The following KCNQ1 variants were observed in gnomAD, a reference collection of about 807,000 sequenced individuals.
KCNQ1 encodes the protein potassium voltage-gated channel subfamily Q member 1.
In KCNQ1, 49 loss-of-function variants were observed where a neutral mutation model predicts 72.4. The observed-to-expected ratio is 0.68, with a 90% CI of 0.54 to 0.86. The LOEUF (loss-of-function observed/expected upper bound fraction) is 0.86. KCNQ1 is among the 40% of genes least tolerant of loss of function. The probability of loss-of-function intolerance (pLI) is 0.00; values close to 1 mark genes in which losing one functional copy is unlikely to be tolerated. For missense variants in KCNQ1, 790 were observed against 945.1 expected, an observed-to-expected ratio of 0.84 and a Z score of 2.15; for synonymous variants, 450 against 412.6, an observed-to-expected ratio of 1.09 and a Z score of -1.10.
Position 2,745,563 on chromosome 11 carries a change from C to G in KCNQ1, c.1515-23281C>G, listed in dbSNP as rs1355350042. ...GTGGATCGGTCCTATCAGGAGGAGTCAGCGTGACCACAGGCCCCCATTCCC... is the reference window on the plus strand; with the variant it reads ...GTGGATCGGTCCTATCAGGAGGAGTGAGCGTGACCACAGGCCCCCATTCCC... On this transcript the variant is annotated intron_variant, in intron 11 of 15. Transcript: ENST00000155840. The surrounding 1 kb of genome is among the most constrained non-coding windows in gnomAD (Gnocchi z 6.2). 6.6e-6 allele frequency among the ~76,000 whole-genome samples: 1 copy of G among 152,178 alleles called. No individual in the cohort carries two copies. The highest frequency in any genetic ancestry group is 1.9e-4 in the East Asian group (1 of 5,190).
At chr11:2,520,988 C>T (rs1010789751) in intron 1 of KCNQ1, among the ~76,000 whole-genome samples, 2 of 151,856 alleles carry the variant, frequency 1.3e-5, no homozygotes, top group Non-Finnish European at 1.5e-5. Flanking sequence ...TCACCAGCCA[C>T]GGGGAACATT....
At chr11:2,837,896 G>C (rs1365086509) in intron 15 of KCNQ1, among the ~76,000 whole-genome samples, 1 of 152,222 alleles carries the variant, frequency 6.6e-6, no homozygotes, top group Non-Finnish European at 1.5e-5. Context: ...GAACAGCAGG[G>C]ATGCCTCAAA....
At chr11:2,455,563 A>T (rs890429026) in intron 1 of KCNQ1, among the ~76,000 whole-genome samples, 2 of 152,272 alleles carry the variant, frequency 1.3e-5, no homozygotes. Flanking sequence ...GAAAGAAATC[A>T]TAGATGACAG....
At chr11:2,525,331 C>T (rs77316302) in intron 1 of KCNQ1, among the ~76,000 whole-genome samples, 2,831 of 152,336 alleles carry the variant, frequency 0.019, 89 homozygotes, top group African/African-American at 0.064. Context: ...ATTCACCCTA[C>T]GGAGGGCTCC....
chr11:2,528,796 C>G (rs1410765382), intron 2 of KCNQ1, among the ~76,000 whole-genome samples: 3 of 152,354 alleles, frequency 2.0e-5, no homozygotes, highest in East Asian at 3.9e-4. Flanking sequence ...ACAGGCAGAT[C>G]TGGGCTGGTT....
chr11:2,667,083 GTTC>G, intron 11 of KCNQ1: 1 of 398,616 alleles, frequency 2.5e-6, no homozygotes, highest in East Asian at 3.6e-5. Context: ...GGGATTAAAT[GTTC>G]TTCTAATTAA....
chr11:2,715,298 A>G lies in KCNQ1; in HGVS notation c.1514+53217A>G, dbSNP rs185534233. 2.7e-4 allele frequency among the ~76,000 whole-genome samples: 41 copies of G among 152,110 alleles called. No homozygotes were observed. Among genetic ancestry groups the G allele is most frequent in the African/African-American group, 9.9e-4 (41 of 41,486 alleles). On this transcript the variant is annotated intron_variant, in intron 11 of 15. Coordinates refer to ENST00000155840, the MANE Select transcript of KCNQ1 (RefSeq NM_000218.3). This position sits in a 1 kb window ranked among gnomAD's most constrained non-coding sequence, Gnocchi z 4.9. The stretch of plus-strand genomic sequence containing the variant: ...TCTGCTCTCTGGAGAGCTCAAGGGA[A>G]CCTGTAAAGACCTGCGGGCTGTGTC...
At chr11:2,640,349 C>A (rs1398429962) in intron 10 of KCNQ1, 3 of 398,492 alleles carry the variant, frequency 7.5e-6, no homozygotes, top group African/African-American at 2.1e-5. Flanking sequence ...CATCTTGGAA[C>A]CACCCCACTT....
intron 10 of KCNQ1, chr11:2,629,194 T>A: frequency 2.5e-6 from 1 of 398,382 alleles, no homozygotes; most frequent in Non-Finnish European, 4.4e-6. Context: ...GTATAGCTAT[T>A]TCGGCAATAT....
In KCNQ1 at chr11:2,719,499, AC is replaced by A. The variant is rs200468503; in HGVS notation, c.1515-49344del. Among the ~76,000 whole-genome samples the A allele has an allele frequency of 1.7e-4, 26 of 151,390 alleles. 1 individual carries two copies. The highest frequency in any genetic ancestry group is 1.4e-3 in the East Asian group (7 of 5,052). ...CACTCAAAAACAAACAAACAAACAA[AC>A]AAAAAAAAAAACCATTATCACCCCC... On this transcript the variant is annotated intron_variant, in intron 11 of 15. Coordinates refer to ENST00000155840, the MANE Select transcript of KCNQ1 (RefSeq NM_000218.3).
chr11:2,777,130 AT>A (rs1375596787), intron 14 of KCNQ1, 98 bp downstream of exon 14: 1 of 1,176,164 alleles, frequency 8.5e-7, no homozygotes, highest in Non-Finnish European at 1.3e-6. Context: ...AGAATGGGCC[AT>A]TGCACCTCCA....
In KCNQ1 at chr11:2,484,366, T is replaced by C. The variant is rs899602221; in HGVS notation, c.386+38882T>C. On this transcript the variant is annotated intron_variant, in intron 1 of 15. Transcript: ENST00000155840. This position sits in a 1 kb window ranked among gnomAD's most constrained non-coding sequence, Gnocchi z 5.2. ...TTTTAGTGGAGACGGGGTTTCATCA[T>C]GTTGGCCAGGCTGGTCTTGAACTCC... Among the ~76,000 whole-genome samples the C allele has an allele frequency of 1.3e-5, 2 of 152,160 alleles. No individual in the cohort carries two copies. The highest frequency in any genetic ancestry group is 2.9e-5 in the Non-Finnish European group (2 of 68,036).
chr11:2,669,065 C>A lies in KCNQ1; in HGVS notation c.1514+6984C>A. ...CATGGGAAGGCCCGTCCTCTCCCAA[C>A]TACCCTGCCGTATCAGTGTCTTTAC... On this transcript the variant is annotated intron_variant, in intron 11 of 15. Coordinates refer to ENST00000155840, the MANE Select transcript of KCNQ1 (RefSeq NM_000218.3). The surrounding 1 kb of genome is among the most constrained non-coding windows in gnomAD (Gnocchi z 5.6). 1 of 398,724 alleles carries A rather than the reference C, an allele frequency of 2.5e-6. No homozygotes were observed. Among genetic ancestry groups the A allele is most frequent in the South Asian group, 1.3e-4 (1 of 7,862 alleles). The allele number at this position is 398,724 out of a possible 1,614,324, so 24.7% of individuals were successfully genotyped here. A position where few individuals can be genotyped will look rare whatever the true frequency, so the allele number is the denominator to read the frequency against.
chr11:2,575,617 C>T (rs995744298), intron 6 of KCNQ1, among the ~76,000 whole-genome samples: 3 of 152,246 alleles, frequency 2.0e-5, no homozygotes, highest in Non-Finnish European at 2.9e-5. Context: ...TTCACCCCAC[C>T]GGGGAGTGAA....
rs947392777 is a variant in KCNQ1 at position 2,748,012 on chromosome 11, A to G, written c.1515-20832A>G. On this transcript the variant is annotated intron_variant, in intron 11 of 15. Coordinates refer to ENST00000155840, the MANE Select transcript of KCNQ1 (RefSeq NM_000218.3). The surrounding 1 kb of genome is among the most constrained non-coding windows in gnomAD (Gnocchi z 6.2). The stretch of plus-strand genomic sequence containing the variant: ...ACCACCAGCAGAATACTTCAAGAAG[A>G]CCACTCGGGCCTAGGGCTCTGCAAG... Among the ~76,000 whole-genome samples the G allele has an allele frequency of 6.6e-6, 1 of 152,140 alleles. No homozygotes were observed. The highest frequency in any genetic ancestry group is 2.4e-5 in the African/African-American group (1 of 41,426).
At chr11:2,666,239 G>A in intron 11 of KCNQ1, 1 of 398,646 alleles carries the variant, frequency 2.5e-6, no homozygotes, top group Non-Finnish European at 4.4e-6. Flanking sequence ...CCATTGAGAT[G>A]GGCATGGGGG....
In KCNQ1 at chr11:2,690,608, T is replaced by C. The variant is rs1850572422; in HGVS notation, c.1514+28527T>C. 2.5e-6 allele frequency: 1 copy of C among 398,542 alleles called. No homozygotes were observed. Among genetic ancestry groups the C allele is most frequent in the East Asian group, 3.6e-5 (1 of 28,090 alleles). 24.7% of individuals were successfully genotyped at this position (398,542 alleles called of 1,614,324 possible). A position where few individuals can be genotyped will look rare whatever the true frequency, so the allele number is the denominator to read the frequency against. ...CTCCTGGCAGGGAGTGGGGCACACA[T>C]ATGTGCATGTTCATATATGTGTCAG... On this transcript the variant is annotated intron_variant, in intron 11 of 15. Transcript: ENST00000155840. This position sits in a 1 kb window ranked among gnomAD's most constrained non-coding sequence, Gnocchi z 5.1.
intron 6 of KCNQ1, among the ~76,000 whole-genome samples, chr11:2,582,327 A>G (rs1486211140): frequency 6.6e-6 from 1 of 152,144 alleles, no homozygotes; most frequent in African/African-American, 2.4e-5. Context: ...AGGGTGGCCC[A>G]GGGACCCTGG....
At position 2,532,498 on chromosome 11, in the gene KCNQ1, G is replaced by T. The variant is rs572505426; in HGVS notation, c.477+4480G>T. On this transcript the variant is annotated intron_variant, in intron 2 of 15. Coordinates refer to ENST00000155840, the MANE Select transcript of KCNQ1 (RefSeq NM_000218.3). The stretch of plus-strand genomic sequence containing the variant: ...GCTGTCACTCAGTCATGGCCATGGT[G>T]GGGGCACGTTGGGGACACAGCAGAG... Among the ~76,000 whole-genome samples the T allele has an allele frequency of 3.3e-5, 5 of 152,362 alleles. No homozygotes were observed. The South Asian group carries it at 1.0e-3, about 32-fold the overall frequency.
Sources: gnomAD v4.1 joint callset for allele counts (sites outside exome capture counted in the v4.1 genomes callset) on GRCh38, gnomAD v4.1.1 for gene constraint, Gnocchi (gnomAD v3.1) non-coding constraint, MANE v1.5 for transcripts, NCBI Gene and HGNC (gene_info 2026-07-23, HGNC 2026-07-21) for gene names.